Variants in SETBP1 observed in about 807,000 individuals in gnomAD.
SETBP1 encodes the protein SET binding protein 1, also known as SET-binding protein.
SETBP1 carries 9 observed loss-of-function variants against 101.0 expected under a neutral mutation model. That is an observed-to-expected ratio of 0.09 (90% confidence interval 0.05 to 0.16). SETBP1 has a LOEUF of 0.16. Ranked by LOEUF, SETBP1 falls within the 10% of genes least tolerant of loss-of-function variation. SETBP1 has a pLI of 1.00. For missense variants in SETBP1, 1,858 were observed against 2,033.8 expected, an observed-to-expected ratio of 0.91 and a Z score of 1.66; for synonymous variants, 818 against 788.5, an observed-to-expected ratio of 1.04 and a Z score of -0.63.
At chr18:45,025,654 C>T (rs2073150286) in intron 4 of SETBP1, among the ~76,000 whole-genome samples, 2 of 152,136 alleles carry the variant, frequency 1.3e-5, no homozygotes, top group African/African-American at 4.8e-5. Flanking sequence ...GAAGAAAGGA[C>T]ACCCAATAAA....
intron 3 of SETBP1, among the ~76,000 whole-genome samples, chr18:44,939,805 A>G (rs545053324): frequency 1.5e-3 from 230 of 152,238 alleles, no homozygotes; most frequent in Non-Finnish European, 2.5e-3. Context: ...TTGATGGCAG[A>G]TAATGTTTGA....
chr18:44,794,014 G>A (rs1312234204), intron 2 of SETBP1, among the ~76,000 whole-genome samples: 3 of 152,136 alleles, frequency 2.0e-5, no homozygotes, highest in African/African-American at 7.2e-5. Context: ...TTGGACTATT[G>A]GCCGCTTCTT....
chr18:44,993,182 A>T (rs1325253580), intron 4 of SETBP1, among the ~76,000 whole-genome samples: 1 of 152,018 alleles, frequency 6.6e-6, no homozygotes, highest in East Asian at 1.9e-4. Flanking sequence ...ATCAAGAAAA[A>T]ACTCTGCAGT....
intron 4 of SETBP1, among the ~76,000 whole-genome samples, chr18:44,979,831 G>A (rs1307362048): frequency 6.6e-6 from 1 of 152,186 alleles, no homozygotes; most frequent in Non-Finnish European, 1.5e-5. Context: ...TTGGCTCACA[G>A]AGCAGAAACA....
At chr18:45,062,476 G>T (rs781045381) in intron 5 of SETBP1, among the ~76,000 whole-genome samples, 2 of 152,176 alleles carry the variant, frequency 1.3e-5, no homozygotes, top group Non-Finnish European at 2.9e-5. Flanking sequence ...CAGGAAATAA[G>T]CCTCCTTGTG....
intron 2 of SETBP1, among the ~76,000 whole-genome samples, chr18:44,771,989 C>T (rs191895981): frequency 3.3e-5 from 5 of 152,330 alleles, no homozygotes; most frequent in Non-Finnish European, 7.3e-5. Flanking sequence ...CTTGCCTCCC[C>T]GGCAGCATTT....
At chr18:44,704,050 A>G (rs756254467) in intron 2 of SETBP1, among the ~76,000 whole-genome samples, 5 of 152,230 alleles carry the variant, frequency 3.3e-5, no homozygotes, top group African/African-American at 4.8e-5. Context: ...TGGGAGTTCA[A>G]ACCCAAATTC....
Position 44,990,838 on chromosome 18 carries a change from T to A in SETBP1, c.4000+37498T>A, listed in dbSNP as rs2072353291. Among the ~76,000 whole-genome samples, 7 of 151,182 alleles carry A rather than the reference T, an allele frequency of 4.6e-5. No homozygotes were observed. In the South Asian group the frequency reaches 1.5e-3, roughly 31 times the overall value. Reference sequence around the variant, plus strand: ...GTGTAAAGGTATTAACTTTCCATGTTGTTACATTAAATTTGGGTTCTATAA... The same window carrying A: ...GTGTAAAGGTATTAACTTTCCATGTAGTTACATTAAATTTGGGTTCTATAA... On this transcript the variant is annotated intron_variant, in intron 4 of 5. Coordinates refer to ENST00000649279, the MANE Select transcript of SETBP1 (RefSeq NM_015559.3).
intron 4 of SETBP1, among the ~76,000 whole-genome samples, chr18:44,973,925 T>G (rs1252666751): frequency 2.0e-5 from 3 of 152,222 alleles, no homozygotes; most frequent in African/African-American, 7.2e-5. Context: ...GAGTCGTGCC[T>G]TAGGACAGGG....
chr18:44,947,873 C>A (rs1291870344), intron 3 of SETBP1, among the ~76,000 whole-genome samples: 2 of 152,186 alleles, frequency 1.3e-5, no homozygotes, highest in African/African-American at 4.8e-5. Context: ...TAATCATACA[C>A]TGATACCCTA....
chr18:44,722,018 G>A (rs1329954031), intron 2 of SETBP1, among the ~76,000 whole-genome samples: 1 of 152,148 alleles, frequency 6.6e-6, no homozygotes, highest in Non-Finnish European at 1.5e-5. Flanking sequence ...ATGTGTATGT[G>A]AGAGGGCATC....
chr18:44,840,580 T>A lies in SETBP1; in HGVS notation c.487-28650T>A, dbSNP rs151316398. ...ATACACTTCTTTGTCTTGGGCCAGA[T>A]TTCACCAGCTGGAGTAAAGAAACTG... On this transcript the variant is annotated intron_variant, in intron 2 of 5. Coordinates refer to ENST00000649279, the MANE Select transcript of SETBP1 (RefSeq NM_015559.3). Among the ~76,000 whole-genome samples the A allele has an allele frequency of 4.2e-4, 64 of 152,330 alleles. No homozygotes were observed. The East Asian group carries it at 0.012, about 29-fold the overall frequency.
At chr18:44,874,372 G>A (rs999328628) in intron 3 of SETBP1, among the ~76,000 whole-genome samples, 2 of 152,200 alleles carry the variant, frequency 1.3e-5, no homozygotes, top group Non-Finnish European at 2.9e-5. Flanking sequence ...GACAATGGGA[G>A]GCATTGAAAG....
At chr18:44,848,768 G>A (rs572399196) in intron 2 of SETBP1, among the ~76,000 whole-genome samples, 1 of 152,158 alleles carries the variant, frequency 6.6e-6, no homozygotes, top group Non-Finnish European at 1.5e-5. Context: ...CGATGATTCC[G>A]GCAGGTCTGG....
chr18:44,747,018 G>C (rs1273396823), intron 2 of SETBP1, among the ~76,000 whole-genome samples: 2 of 152,196 alleles, frequency 1.3e-5, no homozygotes, highest in Non-Finnish European at 2.9e-5. Context: ...GATAGACCTT[G>C]GCCCAACAGT....
At chr18:44,886,385 G>T (rs2069648602) in intron 3 of SETBP1, among the ~76,000 whole-genome samples, 1 of 152,140 alleles carries the variant, frequency 6.6e-6, no homozygotes, top group African/African-American at 2.4e-5. Context: ...ACTTGGGACA[G>T]TGAGCCGTCT....
chr18:45,025,849 C>T (rs1008916257), intron 4 of SETBP1, among the ~76,000 whole-genome samples: 3 of 152,068 alleles, frequency 2.0e-5, no homozygotes, highest in Admixed American at 2.0e-4. Flanking sequence ...CAGATATGTC[C>T]ATAAAAGGTG....
intron 1 of SETBP1, among the ~76,000 whole-genome samples, chr18:44,683,992 A>G (rs1228490101): frequency 2.6e-5 from 4 of 152,206 alleles, no homozygotes; most frequent in African/African-American, 7.2e-5. Flanking sequence ...GACTCAGTGT[A>G]TGTGAGAGTC....
chr18:45,011,644 G>C (rs901586471), intron 4 of SETBP1, among the ~76,000 whole-genome samples: 2 of 152,188 alleles, frequency 1.3e-5, no homozygotes, highest in Non-Finnish European at 2.9e-5. Context: ...TGCTAACCAG[G>C]CTTTGTGCTA....
Sources: gnomAD v4.1 joint callset for allele counts (sites outside exome capture counted in the v4.1 genomes callset) on GRCh38, gnomAD v4.1.1 for gene constraint, MANE v1.5 for transcripts, NCBI Gene and HGNC (gene_info 2026-07-23, HGNC 2026-07-21) for gene names.